The following CCL16 variants were observed in gnomAD, a reference collection of about 807,000 sequenced individuals.
The protein encoded by CCL16 is C-C motif chemokine ligand 16.
CCL16 carries 6 observed loss-of-function variants against 7.5 expected under a neutral mutation model. The ratio of observed to expected loss-of-function variants is 0.80; its 90% CI spans 0.44 to 1.57. The LOEUF (loss-of-function observed/expected upper bound fraction) is 1.57. Among genes scored for constraint, CCL16 ranks in the 40% most tolerant of loss-of-function variants. CCL16 has a pLI of 0.01. For synonymous variants in CCL16, 60 were observed against 57.7 expected, an observed-to-expected ratio of 1.04 and a Z score of -0.18; for missense variants, 134 against 142.9, an observed-to-expected ratio of 0.94 and a Z score of 0.32.
rs2089637470 is a variant in CCL16, at chr17:35,976,601, A to C, written c.*965T>G. On this transcript the variant is annotated 3_prime_UTR_variant, in exon 3 of 3. Coordinates refer to ENST00000611905, the MANE Select transcript of CCL16 (RefSeq NM_004590.4). The stretch of plus-strand genomic sequence containing the variant: ...TTTCTTTCCCTGTCCTGCAAAGCTT[A>C]ACATGGGAGGTAGAGATTTGTGTCT... 6.6e-6 allele frequency: 1 copy of C among 151,564 alleles called. No individual in the cohort carries two copies. Among genetic ancestry groups the C allele is most frequent in the Non-Finnish European group, 1.5e-5 (1 of 67,972 alleles). The allele number at this position is 151,564 out of a possible 1,614,324, so 9.4% of individuals were successfully genotyped here. A position where few individuals can be genotyped will look rare whatever the true frequency, so the allele number is the denominator to read the frequency against.
At chr17:35,979,434 G>C (rs75236781) in intron 1 of CCL16, among the ~76,000 whole-genome samples, 8,114 of 152,196 alleles carry the variant, frequency 0.053, 282 homozygotes, top group Admixed American at 0.12. Context: ...AGAGCAGGAG[G>C]AAAAAGTATA....
chr17:35,980,778 G>C (rs1369639380), intron 1 of CCL16, among the ~76,000 whole-genome samples: 3 of 152,114 alleles, frequency 2.0e-5, no homozygotes, highest in Non-Finnish European at 4.4e-5. Context: ...ATTTTATTTA[G>C]TCATAGGCTG....
Position 35,977,691 on chromosome 17 carries a change from T to G in CCL16, c.238A>C (p.Asn80His). 1.9e-6 allele frequency: 3 copies of G among 1,612,148 alleles called. No individual in the cohort carries two copies. Among genetic ancestry groups the G allele is most frequent in the Non-Finnish European group, 2.5e-6 (3 of 1,179,968 alleles). Residue 80 changes from asparagine (N) to histidine (H), a missense_variant, in exon 3 of 3, where the codon AAT (asparagine) becomes CAT (histidine). By Grantham distance (68) the Asn-to-His change is moderately conservative. Coordinates refer to ENST00000611905, the MANE Select transcript of CCL16 (RefSeq NM_004590.4). ...KRNREVCTNP[N>H]DDWVQEYIKD... ...ATGTACTCTTGGACCCAGTCGTCAT[T>G]GGGGTTGGTGCAGACTTCTCGGTTC...
intron 1 of CCL16, chr17:35,979,038 G>A (rs1052425557): frequency 6.6e-6 from 1 of 151,944 alleles, no homozygotes; most frequent in African/African-American, 2.4e-5. Context: ...TGAGGCAGGA[G>A]AATCACTTAA....
Position 35,977,237 on chromosome 17 carries a change from G to C in CCL16, c.*329C>G, listed in dbSNP as rs1287990045. 1 of 160,590 alleles carries C rather than the reference G, an allele frequency of 6.2e-6. No homozygotes were observed. Among genetic ancestry groups the C allele is most frequent in the East Asian group, 1.7e-4 (1 of 5,730 alleles). The allele number at this position is 160,590 out of a possible 1,614,324, so 9.9% of individuals were successfully genotyped here. ...GGAGGCTGGGGTGGGAGGATCACTT[G>C]AGCCTGGGAGGTGGAGGTTACAGTG... On this transcript the variant is annotated 3_prime_UTR_variant, in exon 3 of 3. Coordinates refer to ENST00000611905, the MANE Select transcript of CCL16 (RefSeq NM_004590.4).
In CCL16 at chr17:35,981,374, A is replaced by T. The variant is rs1032661925; in HGVS notation, c.47T>A (p.Ile16Asn). 6.2e-7 allele frequency: 1 copy of T among 1,613,118 alleles called. No individual in the cohort carries two copies. Among genetic ancestry groups the T allele is most frequent in the South Asian group, 1.1e-5 (1 of 90,736 alleles). The part of the protein sequence containing the change: ...AALSLLVLIL[I>N]ITSASRSQPK... ...CTGGCTGCGAGAAGCCGAAGTAATG[A>T]TAAGGATGAGGACAAGGAGAGACAG... The change falls in exon 1 of 3, where the codon ATC (isoleucine) becomes AAC (asparagine). Residue 16 changes from isoleucine to asparagine, a missense_variant. Transcript: ENST00000611905.
In CCL16 at chr17:35,981,384, G is replaced by A. The variant is rs141803122; in HGVS notation, c.37C>T (p.Leu13Phe). 3.3e-5 allele frequency: 54 copies of A among 1,612,986 alleles called. No individual in the cohort carries two copies. In the African/African-American group the frequency reaches 6.4e-4, roughly 19 times the overall value. Residue 13 changes from leucine (L) to phenylalanine (F), a missense_variant, in exon 1 of 3, where the codon CTC becomes TTC. Coordinates refer to ENST00000611905, the MANE Select transcript of CCL16 (RefSeq NM_004590.4). ...VSEAALSLLVLILIITSASRS... is the reference protein window; with the variant it reads ...VSEAALSLLVFILIITSASRS... ...GAAGCCGAAGTAATGATAAGGATGA[G>A]GACAAGGAGAGACAGGGCAGCCTCG...
rs199727921 is a variant in CCL16 at position 35,977,597 on chromosome 17, T to C, written c.332A>G (p.Asn111Ser). The change falls in exon 3 of 3, where the codon AAT (asparagine) becomes AGT (serine). Residue 111 changes from asparagine to serine, a missense_variant. Transcript: ENST00000611905. ...LSTVKIITAK[N>S]GQPQLLNSQ Reference sequence around the variant, plus strand: ...GGAGTTGAGGAGCTGGGGTTGACCATTCTTTGCTGTAATAATTTTAACCGT... The same window carrying C: ...GGAGTTGAGGAGCTGGGGTTGACCACTCTTTGCTGTAATAATTTTAACCGT... 1.7e-4 allele frequency: 276 copies of C among 1,612,632 alleles called. 1 individual carries two copies. The South Asian group carries it at 2.9e-3, about 17-fold the overall frequency.
chr17:35,979,946 G>A (rs906912184), intron 1 of CCL16, among the ~76,000 whole-genome samples: 8 of 152,130 alleles, frequency 5.3e-5, no homozygotes, highest in Admixed American at 2.6e-4. Flanking sequence ...GGGACATCTT[G>A]AGAGCACCAT....
In CCL16 at chr17:35,978,196, C is replaced by T; in HGVS notation, c.144G>A (p.Arg48=). ...CCTTTCTGTATCCCACCACTAGTCT[C>T]CTTGGCAACACTTTCTCATAATACT... is the stretch of plus-strand genomic sequence containing the variant. ...CLKYYEKVLP[R]RLVVGYRKAL... The change falls in exon 2 of 3, where the codon AGG becomes AGA. Residue 48 remains arginine, a synonymous_variant. Coordinates refer to ENST00000611905, the MANE Select transcript of CCL16 (RefSeq NM_004590.4). 6.2e-7 allele frequency: 1 copy of T among 1,614,198 alleles called. No individual in the cohort carries two copies. Among genetic ancestry groups the T allele is most frequent in the Non-Finnish European group, 8.5e-7 (1 of 1,180,014 alleles).
rs772673314 is a variant in CCL16 at position 35,977,770 on chromosome 17, C to G, written c.198-39G>C. 3 of 1,598,572 alleles carry G rather than the reference C, an allele frequency of 1.9e-6. No homozygotes were observed. The South Asian group carries it at 3.4e-5, about 18-fold the overall frequency. On this transcript the variant is annotated intron_variant, in intron 2 of 2. Coordinates refer to ENST00000611905, the MANE Select transcript of CCL16 (RefSeq NM_004590.4). ...ATTAGACCGTCATGGGCTGCAGACTCGGGCAGGAGTCCGGTGCCCACCCCC... is the reference window on the plus strand; with the variant it reads ...ATTAGACCGTCATGGGCTGCAGACTGGGGCAGGAGTCCGGTGCCCACCCCC...
intron 1 of CCL16, chr17:35,980,493 C>G (rs2089672674): frequency 5.8e-6 from 1 of 172,042 alleles, no homozygotes; most frequent in African/African-American, 2.4e-5. Flanking sequence ...TGCGCTCCAA[C>G]CTGGGCAACA....
At chr17:35,979,374 CGGA>C (rs998782694) in intron 1 of CCL16, among the ~76,000 whole-genome samples, 2 of 151,800 alleles carry the variant, frequency 1.3e-5, no homozygotes, top group Admixed American at 1.3e-4. Flanking sequence ...ATTGGAGAGG[CGGA>C]GGTTAGGGGG....
intron 1 of CCL16, among the ~76,000 whole-genome samples, chr17:35,980,042 G>A (rs1432108659): frequency 6.6e-6 from 1 of 152,128 alleles, no homozygotes; most frequent in Non-Finnish European, 1.5e-5. Flanking sequence ...CTCCCAAAGA[G>A]CACTGTTCCC....
chr17:35,981,114 T>G (rs905911594), intron 1 of CCL16, among the ~76,000 whole-genome samples: 14 of 152,126 alleles, frequency 9.2e-5, no homozygotes, highest in African/African-American at 3.4e-4. Context: ...TTGGGACTCC[T>G]GAGGAAATGG....
At position 35,977,549 on chromosome 17, in the gene CCL16, C is replaced by T. The variant is rs770546149; in HGVS notation, c.*17G>A. 6.2e-7 allele frequency: 1 copy of T among 1,610,890 alleles called. No homozygotes were observed. The highest frequency in any genetic ancestry group is 8.5e-7 in the Non-Finnish European group (1 of 1,178,972). ...CCCTCTCTTCTGTAAACAAGGGCTT[C>T]CACTAAAGCCTGGTCATCACTGGGA... On this transcript the variant is annotated 3_prime_UTR_variant, in exon 3 of 3. Coordinates refer to ENST00000611905, the MANE Select transcript of CCL16 (RefSeq NM_004590.4).
Position 35,977,458 on chromosome 17 carries a change from CT to C in CCL16, c.*107del. 1 of 913,328 alleles carries C rather than the reference CT, an allele frequency of 1.1e-6. No homozygotes were observed. Among genetic ancestry groups the C allele is most frequent in the Non-Finnish European group, 1.7e-6 (1 of 594,508 alleles). The allele number at this position is 913,328 out of a possible 1,614,324, so 56.6% of individuals were successfully genotyped here. On this transcript the variant is annotated 3_prime_UTR_variant, in exon 3 of 3. Transcript: ENST00000611905. ...CTTCTCCTTTATTTTGATCATTGTT[CT>C]GCTTCTCTCAATGTGACTGGCTAGT...
intron 1 of CCL16, among the ~76,000 whole-genome samples, chr17:35,978,639 G>T (rs2141987366): frequency 6.6e-6 from 1 of 152,292 alleles, no homozygotes; most frequent in South Asian, 2.1e-4. Context: ...CTACCCTTAA[G>T]TAACTTACAG....
In CCL16 at chr17:35,977,387, C is replaced by T. The variant is rs1277493007; in HGVS notation, c.*179G>A. The T allele has an allele frequency of 6.1e-6, 3 of 492,276 alleles. No individual in the cohort carries two copies. The highest frequency in any genetic ancestry group is 6.0e-5 in the African/African-American group (3 of 50,056). The allele number at this position is 492,276 out of a possible 1,614,324, so 30.5% of individuals were successfully genotyped here. ...AAAGAGCGTACCTCTGCCCACGTCCCTTAACTTTGGTATTTCCTCCTAAGA... is the reference window on the plus strand; with the variant it reads ...AAAGAGCGTACCTCTGCCCACGTCCTTTAACTTTGGTATTTCCTCCTAAGA... On this transcript the variant is annotated 3_prime_UTR_variant, in exon 3 of 3. Transcript: ENST00000611905.
Sources: gnomAD v4.1 joint callset for allele counts (sites outside exome capture counted in the v4.1 genomes callset) on GRCh38, gnomAD v4.1.1 for gene constraint, MANE v1.5 for transcripts, NCBI Gene and HGNC (gene_info 2026-07-23, HGNC 2026-07-21) for gene names.